SYNPR: variants seen among roughly 807,000 people sequenced by gnomAD.
SYNPR encodes synaptoporin.
Under a neutral mutation model 32.9 loss-of-function variants are expected in SYNPR, and 23 were observed. The observed-to-expected ratio is 0.70, with a 90% CI of 0.50 to 0.99. The LOEUF is 0.99. Ranked by LOEUF, SYNPR falls within the 50% of genes least tolerant of loss-of-function variation. The pLI is 0.00. For synonymous variants in SYNPR, 146 were observed against 135.9 expected (o/e 1.07, Z -0.52); for missense variants, 318 against 349.3 (o/e 0.91, Z 0.71).
At chr3:63,522,223 G>A (rs1048601373) in intron 3 of SYNPR, among the ~76,000 whole-genome samples, 4 of 152,194 alleles carry the variant, frequency 2.6e-5, no homozygotes, top group African/African-American at 9.7e-5. Flanking sequence ...AAGGGCTAAC[G>A]TGAAAATGTA....
At chr3:63,370,801 T>G (rs2087802347) in intron 2 of SYNPR, among the ~76,000 whole-genome samples, 1 of 152,202 alleles carries the variant, frequency 6.6e-6, no homozygotes, top group Non-Finnish European at 1.5e-5. Flanking sequence ...AACTTTGAAT[T>G]CATAGGTGAG....
intron 2 of SYNPR, chr3:63,443,059 G>A (rs1700209701): frequency 3.9e-6 from 4 of 1,013,742 alleles, no homozygotes; most frequent in Non-Finnish European, 3.5e-6. Flanking sequence ...CTCTGTTGGT[G>A]ATGCAGCCTG....
rs556260458 is a variant in SYNPR, at chr3:63,286,219, C to T, written c.84+7477C>T. ...ATTCACATTTCAAAGAAAATTCCAG[C>T]AAGGCCAGTATTGAACCTAAACGAG... On this transcript the variant is annotated intron_variant, in intron 2 of 5. Transcript: ENST00000478300. Among the ~76,000 whole-genome samples the T allele has an allele frequency of 4.5e-4, 69 of 152,290 alleles. 4 individuals are homozygous for T. In the South Asian group the frequency reaches 0.014, roughly 30 times the overall value.
rs78797039 is a variant in SYNPR, at chr3:63,445,712, A to C, written c.85-35120A>C. 3.8e-3 allele frequency: 1,963 copies of C among 516,468 alleles called. 32 individuals carry two copies. Among genetic ancestry groups the C allele is most frequent in the African/African-American group, 0.034 (1,806 of 52,424 alleles). The allele number at this position is 516,468 out of a possible 1,614,324, so 32.0% of individuals were successfully genotyped here. A position where few individuals can be genotyped will look rare whatever the true frequency, so the allele number is the denominator to read the frequency against. On this transcript the variant is annotated intron_variant, in intron 2 of 5. Transcript: ENST00000478300. ...GATGAGAAAATGGAGACATAGGACAAGTATGTAACTTACTTGAGGAAACAC... is the reference window on the plus strand; with the variant it reads ...GATGAGAAAATGGAGACATAGGACACGTATGTAACTTACTTGAGGAAACAC...
At chr3:63,314,273 G>A (rs1851666) in intron 2 of SYNPR, among the ~76,000 whole-genome samples, 65,855 of 150,208 alleles carry the variant, frequency 0.44, 14,643 homozygotes, top group Middle Eastern at 0.52. Flanking sequence ...TGGTAGTTCA[G>A]TTCTTTAGGC....
rs182684485 is a variant in SYNPR at position 63,524,507 on chromosome 3, C to T, written c.210-32036C>T. On this transcript the variant is annotated intron_variant, in intron 3 of 5. Coordinates refer to ENST00000478300, the MANE Select transcript of SYNPR (RefSeq NM_001130003.2). ...TAAACAATTGGCCACACATTTGAAGCGTGGCATTCTGGGTTCTGTTTTTGT... is the reference window on the plus strand; with the variant it reads ...TAAACAATTGGCCACACATTTGAAGTGTGGCATTCTGGGTTCTGTTTTTGT... Among the ~76,000 whole-genome samples the T allele has an allele frequency of 8.5e-5, 13 of 152,210 alleles. No individual in the cohort carries two copies. The East Asian group carries it at 1.7e-3, about 20-fold the overall frequency.
chr3:63,544,555 C>T (rs1261794728), intron 3 of SYNPR, among the ~76,000 whole-genome samples: 1 of 151,984 alleles, frequency 6.6e-6, no homozygotes, highest in Non-Finnish European at 1.5e-5. Flanking sequence ...AAGTTGCCTA[C>T]CCTGAGCATT....
chr3:63,609,454 A>T, intron 5 of SYNPR, 138 bp downstream of exon 5: 1 of 661,988 alleles, frequency 1.5e-6, no homozygotes, highest in Non-Finnish European at 2.4e-6. Context: ...ACTTCACCTC[A>T]GGTACAGGAT....
chr3:63,562,560 C>G (rs1335879571), intron 4 of SYNPR, among the ~76,000 whole-genome samples: 4 of 152,164 alleles, frequency 2.6e-5, no homozygotes. Context: ...ACAGTGGTAT[C>G]ACGGCTCACC....
intron 1 of SYNPR, among the ~76,000 whole-genome samples, chr3:63,232,192 CTTTTTTTT>C (rs57078088): frequency 2.0e-4 from 12 of 59,536 alleles, no homozygotes; most frequent in Middle Eastern, 0.014. Flanking sequence ...CAGATTCTGA[CTTTTTTTT>C]TTTTTTTTTT....
intron 1 of SYNPR, among the ~76,000 whole-genome samples, chr3:63,251,038 C>G (rs1446749306): frequency 6.6e-6 from 1 of 151,974 alleles, no homozygotes; most frequent in Non-Finnish European, 1.5e-5. Context: ...AAGTTGTGGT[C>G]TCTGGGGAGT....
At chr3:63,248,600 T>C (rs2086308524) in intron 1 of SYNPR, among the ~76,000 whole-genome samples, 1 of 152,162 alleles carries the variant, frequency 6.6e-6, no homozygotes, top group African/African-American at 2.4e-5. Flanking sequence ...CATTTGTTCA[T>C]TCTGAAGTTT....
At chr3:63,589,081 A>G (rs1227707330) in intron 4 of SYNPR, among the ~76,000 whole-genome samples, 1 of 152,084 alleles carries the variant, frequency 6.6e-6, no homozygotes, top group East Asian at 1.9e-4. Flanking sequence ...AGAAGAGTCC[A>G]ACACTCCCTC....
Position 63,553,296 on chromosome 3 carries a change from T to C in SYNPR, c.210-3247T>C, listed in dbSNP as rs186126839. Among the ~76,000 whole-genome samples, 537 of 152,360 alleles carry C rather than the reference T, an allele frequency of 3.5e-3. 3 individuals carry two copies. Among genetic ancestry groups the C allele is most frequent in the African/African-American group, 0.013 (520 of 41,588 alleles). ...ATTCTTTTTTTATAGCTACATAGTA[T>C]TCCGTGGGGTATATGTGCCACATTT... On this transcript the variant is annotated intron_variant, in intron 3 of 5. Coordinates refer to ENST00000478300, the MANE Select transcript of SYNPR (RefSeq NM_001130003.2).
Position 63,552,222 on chromosome 3 carries a change from A to T in SYNPR, c.210-4321A>T, listed in dbSNP as rs1422811361. ...CGCATCTGGCTATTATGTGAACTATAAAGTTGTTGAAAGTGTATTAAGTCA... is the reference window on the plus strand; with the variant it reads ...CGCATCTGGCTATTATGTGAACTATTAAGTTGTTGAAAGTGTATTAAGTCA... On this transcript the variant is annotated intron_variant, in intron 3 of 5. Coordinates refer to ENST00000478300, the MANE Select transcript of SYNPR (RefSeq NM_001130003.2). 4.6e-5 allele frequency among the ~76,000 whole-genome samples: 7 copies of T among 152,136 alleles called. 1 individual carries two copies. Among genetic ancestry groups the T allele is most frequent in the Admixed American group, 3.3e-4 (5 of 15,276 alleles).
chr3:63,558,601 G>A (rs1702630698), intron 4 of SYNPR, among the ~76,000 whole-genome samples: 1 of 152,054 alleles, frequency 6.6e-6, no homozygotes, highest in South Asian at 2.1e-4. Context: ...GCCTCCCAAA[G>A]TGCTGAGATT....
chr3:63,519,544 C>T (rs941680426), intron 3 of SYNPR, among the ~76,000 whole-genome samples: 2 of 152,176 alleles, frequency 1.3e-5, no homozygotes, highest in Admixed American at 1.3e-4. Context: ...ACTTTCAAGC[C>T]CTCCTTGACC....
At chr3:63,502,265 A>T (rs1339819807) in intron 3 of SYNPR, among the ~76,000 whole-genome samples, 1 of 152,102 alleles carries the variant, frequency 6.6e-6, no homozygotes, top group Non-Finnish European at 1.5e-5. Flanking sequence ...GGCTCACAGC[A>T]AAATGGAGAG....
At chr3:63,536,893 T>C (rs1203857158) in intron 3 of SYNPR, among the ~76,000 whole-genome samples, 3 of 152,076 alleles carry the variant, frequency 2.0e-5, no homozygotes, top group African/African-American at 7.2e-5. Context: ...ATTTTCAGAA[T>C]ATGCAAATAC....
Sources: gnomAD v4.1 joint callset for allele counts (sites outside exome capture counted in the v4.1 genomes callset) on GRCh38, gnomAD v4.1.1 for gene constraint, MANE v1.5 for transcripts, NCBI Gene and HGNC (gene_info 2026-07-23, HGNC 2026-07-21) for gene names.